The following HGFAC variants were observed in gnomAD, a reference collection of about 807,000 sequenced individuals.
The protein encoded by HGFAC is HGF activator.
Under a neutral mutation model 70.6 loss-of-function variants are expected in HGFAC, and 76 were observed. The ratio of observed to expected loss-of-function variants is 1.08; its 90% confidence interval spans 0.89 to 1.30. The LOEUF is 1.30. HGFAC is among the 50% of genes most tolerant of loss of function. The probability of loss-of-function intolerance (pLI) is 0.00; values close to 1 mark genes in which losing one functional copy is unlikely to be tolerated. For missense variants in HGFAC, 1,044 were observed against 933.7 expected (o/e 1.12, Z -1.54); for synonymous variants, 464 against 405.3 (o/e 1.14, Z -1.74).
chr4:3,442,954 T>C lies in HGFAC; in HGVS notation c.298+42T>C, dbSNP rs114644946. The C allele has an allele frequency of 1.3e-3, 2,045 of 1,554,150 alleles. 6 individuals are homozygous for C. In the Middle Eastern group the frequency reaches 0.016, roughly 12 times the overall value. On this transcript the variant is annotated intron_variant, in intron 2 of 13. Transcript: ENST00000382774. ...TGGGAGGAGGTGTCGTGCTTCACCT[T>C]AGGGCTGGGTGGGAGGAGCATGGCT...
intron 11 of HGFAC, 39 bp downstream of exon 11, chr4:3,447,670 G>A: frequency 2.5e-6 from 4 of 1,609,572 alleles, no homozygotes; most frequent in Non-Finnish European, 3.4e-6. Context: ...CTGGGCAGGT[G>A]GGCCCTGTGC....
rs747275134 is a variant in HGFAC, at chr4:3,442,962, G to A, written c.298+50G>A. 6 of 1,556,018 alleles carry A rather than the reference G, an allele frequency of 3.9e-6. No homozygotes were observed. The East Asian group carries it at 9.3e-5, about 24-fold the overall frequency. On this transcript the variant is annotated intron_variant, in intron 2 of 13. Transcript: ENST00000382774. ...GGTGTCGTGCTTCACCTTAGGGCTG[G>A]GTGGGAGGAGCATGGCTGCGGCTGG...
chr4:3,443,195 C>G, intron 3 of HGFAC, 49 bp downstream of exon 3: 2 of 1,381,276 alleles, frequency 1.4e-6, no homozygotes, highest in Non-Finnish European at 1.9e-6. Flanking sequence ...CTGCCCCACG[C>G]TGCCTGCTTT....
intron 10 of HGFAC, among the ~76,000 whole-genome samples, chr4:3,446,650 A>G (rs1461462995): frequency 1.3e-5 from 2 of 152,052 alleles, no homozygotes; most frequent in African/African-American, 4.8e-5. Context: ...CGCAGTGACA[A>G]TGCGTCAGAG....
At chr4:3,442,172 G>A in intron 1 of HGFAC, 54 bp downstream of exon 1, 1 of 1,384,098 alleles carries the variant, frequency 7.2e-7, no homozygotes, top group Non-Finnish European at 9.8e-7. Context: ...GCTACTTGGG[G>A]TCCTTGGGAG....
At chr4:3,443,710 G>T (rs752337327) in intron 4 of HGFAC, among the ~76,000 whole-genome samples, 2 of 152,158 alleles carry the variant, frequency 1.3e-5, no homozygotes, top group Non-Finnish European at 2.9e-5. Flanking sequence ...GGTGGGCAGG[G>T]TCTGTGGGGT....
At chr4:3,449,184 G>C in intron 13 of HGFAC, 53 bp from the exon 14 acceptor site, 16 of 1,528,252 alleles carry the variant, frequency 1.0e-5, no homozygotes, top group Non-Finnish European at 1.4e-5. Flanking sequence ...GGGAGAGGGG[G>C]GTCCCTGAAC....
At chr4:3,441,928 A>G, upstream of HGFAC, 2 of 833,996 alleles carry the variant, frequency 2.4e-6, no homozygotes, top group Non-Finnish European at 3.5e-6. This position sits in a 1 kb window ranked among gnomAD's most constrained non-coding sequence, Gnocchi z 6.0. Context: ...AATCATTTCC[A>G]CGAAGCCTTG....
In HGFAC at chr4:3,447,830, G is replaced by A. The variant is rs1431945942; in HGVS notation, c.1496-65G>A. 26 of 1,580,994 alleles carry A rather than the reference G, an allele frequency of 1.6e-5. 1 individual carries two copies. Among genetic ancestry groups the A allele is most frequent in the Middle Eastern group, 3.5e-4 (2 of 5,726 alleles). On this transcript the variant is annotated intron_variant, in intron 11 of 13. Transcript: ENST00000382774. ...CCACTGGCTACCCTCCCTCCACCAC[G>A]GGCCCCGACAGCCTCCCGTTCAGCC...
At chr4:3,445,387 C>G (rs1197658018) in intron 9 of HGFAC, 37 bp downstream of exon 9, 1 of 1,441,138 alleles carries the variant, frequency 6.9e-7, no homozygotes, top group Non-Finnish European at 9.5e-7. Context: ...TTGGGCCCCA[C>G]CGAGGTCACA....
Position 3,444,329 on chromosome 4 carries a change from C to A in HGFAC, c.617C>A (p.Thr206Asn). Residue 206 changes from threonine (T) to asparagine (N), a missense_variant, in exon 6 of 14, where the codon ACC becomes AAC. Physicochemically the swap from Thr to Asn is moderately conservative, Grantham distance 65. Transcript: ENST00000382774. The part of the protein sequence containing the change: ...DCGTEKCFDE[T>N]RYEYLEGGDR... ...CCCTCAGAGAAATGCTTTGATGAGA[C>A]CCGCTACGAGTACCTGGAGGGGGGC... is the stretch of plus-strand genomic sequence containing the variant. 1 of 1,594,150 alleles carries A rather than the reference C, an allele frequency of 6.3e-7. No individual in the cohort carries two copies. The highest frequency in any genetic ancestry group is 1.1e-5 in the South Asian group (1 of 88,272).
At chr4:3,445,867 A>T (rs532563191) in intron 9 of HGFAC, 175 bp from the exon 10 acceptor site, 10 of 1,543,206 alleles carry the variant, frequency 6.5e-6, no homozygotes, top group Middle Eastern at 1.7e-4. Context: ...ATCAAACCCC[A>T]TTCTACAGAT....
chr4:3,441,935 C>G (rs1725327861), upstream of HGFAC: 1 of 916,006 alleles, frequency 1.1e-6, no homozygotes, highest in Non-Finnish European at 1.6e-6. The surrounding 1 kb of genome is among the most constrained non-coding windows in gnomAD (Gnocchi z 6.0). Flanking sequence ...TCCACGAAGC[C>G]TTGACCCCAC....
Position 3,442,119 on chromosome 4 carries a change from G to T in HGFAC, c.117+1G>T, listed in dbSNP as rs759578584. On this transcript the variant is annotated splice_donor_variant, in intron 1 of 13. Coordinates refer to ENST00000382774, the MANE Select transcript of HGFAC (RefSeq NM_001528.4). LOFTEE classifies it high-confidence loss of function. ...GGGGTTCCAGCCCCAGCCTGGCGGGGTGAGCACTGACCTTGTCGCAGTGCG... is the reference window on the plus strand; with the variant it reads ...GGGGTTCCAGCCCCAGCCTGGCGGGTTGAGCACTGACCTTGTCGCAGTGCG... The T allele has an allele frequency of 2.6e-6, 4 of 1,558,776 alleles. No individual in the cohort carries two copies. Among genetic ancestry groups the T allele is most frequent in the Non-Finnish European group, 2.6e-6 (3 of 1,163,746 alleles).
At chr4:3,448,701 C>G (rs1290161802) in intron 13 of HGFAC, among the ~76,000 whole-genome samples, 9 of 152,214 alleles carry the variant, frequency 5.9e-5, no homozygotes, top group Non-Finnish European at 1.3e-4. Flanking sequence ...CTCTGCAGGC[C>G]TGTGTGCTCA....
chr4:3,446,901 G>A (rs1725530242), intron 10 of HGFAC, among the ~76,000 whole-genome samples: 2 of 152,210 alleles, frequency 1.3e-5, no homozygotes, highest in African/African-American at 2.4e-5. Context: ...CAGCTCCCAG[G>A]GTGGGGTCCT....
rs140087184 is a variant in HGFAC, at chr4:3,442,872, G to A, written c.258G>A (p.Pro86=). 291 of 1,569,796 alleles carry A rather than the reference G, an allele frequency of 1.9e-4. No homozygotes were observed. The African/African-American group carries it at 3.2e-3, about 17-fold the overall frequency. The change falls in exon 2 of 14, where the codon CCG becomes CCA. Residue 86 remains proline, a synonymous_variant. Transcript: ENST00000382774. The stretch of plus-strand genomic sequence containing the variant: ...CCCAAAGTGGGGGGCTCCCGCCCCC[G>A]CCCAGGGCAGTTCCCTCGAGCAGTA... ...EGPQSGGLPP[P]PRAVPSSSSP... is the part of the protein sequence containing the mutation.
chr4:3,441,487 G>A (rs558802915), upstream of HGFAC, among the ~76,000 whole-genome samples: 11 of 152,198 alleles, frequency 7.2e-5, no homozygotes, highest in East Asian at 1.9e-4. The surrounding 1 kb of genome is among the most constrained non-coding windows in gnomAD (Gnocchi z 6.0). Flanking sequence ...ATGCAGCACC[G>A]AACCCTCCAG....
rs1243248166 is a variant in HGFAC, at chr4:3,443,430, G to C, written c.475+10G>C. ...CCTCCAGGGGGCCCAGGTGGGTGCT[G>C]GGTTGGGTAGCCTGGGGCGGGCAGG... On this transcript the variant is annotated intron_variant, in intron 4 of 13. Coordinates refer to ENST00000382774, the MANE Select transcript of HGFAC (RefSeq NM_001528.4). The C allele has an allele frequency of 3.5e-6, 5 of 1,443,234 alleles. No homozygotes were observed. The highest frequency in any genetic ancestry group is 1.8e-4 in the Middle Eastern group (1 of 5,426). 89.4% of individuals were successfully genotyped at this position (1,443,234 alleles called of 1,614,324 possible). A position where few individuals can be genotyped will look rare whatever the true frequency, so the allele number is the denominator to read the frequency against.
Sources: gnomAD v4.1 joint callset for allele counts (sites outside exome capture counted in the v4.1 genomes callset) on GRCh38, gnomAD v4.1.1 for gene constraint, Gnocchi (gnomAD v3.1) non-coding constraint, MANE v1.5 for transcripts, NCBI Gene and HGNC (gene_info 2026-07-23, HGNC 2026-07-21) for gene names.